The following DAAM2 variants were observed in gnomAD, a reference collection of about 807,000 sequenced individuals.
DAAM2 encodes dishevelled associated activator of morphogenesis 2.
A neutral mutation model predicts 120.7 loss-of-function variants in DAAM2; 39 were observed. The ratio of observed to expected loss-of-function variants is 0.32; its 90% confidence interval spans 0.25 to 0.42. DAAM2 has a LOEUF of 0.42. Among genes scored for constraint, DAAM2 ranks in the 10% least tolerant of loss-of-function variants. The probability of loss-of-function intolerance (pLI) is 1.00; values close to 1 mark genes in which losing one functional copy is unlikely to be tolerated. For missense variants in DAAM2, 1,283 were observed against 1,401.7 expected (o/e 0.92, Z 1.35); for synonymous variants, 488 against 524.9 (o/e 0.93, Z 0.96).
At chr6:39,859,288 C>A (rs1764122653) in intron 2 of DAAM2, among the ~76,000 whole-genome samples, 1 of 152,144 alleles carries the variant, frequency 6.6e-6, no homozygotes, top group South Asian at 2.1e-4. Context: ...TGAAGAGGTG[C>A]AGAGTTTGTA....
At chr6:39,887,808 A>C in intron 16 of DAAM2, 1 of 512,414 alleles carries the variant, frequency 2.0e-6, no homozygotes, top group East Asian at 3.5e-5. Flanking sequence ...CAGCCTGGTC[A>C]GCGTCTGGCA....
intron 1 of DAAM2, among the ~76,000 whole-genome samples, chr6:39,842,686 G>C (rs1161103471): frequency 6.6e-6 from 1 of 151,972 alleles, no homozygotes; most frequent in South Asian, 2.1e-4. Flanking sequence ...ATTAAATAAC[G>C]TATGTAATGA....
At chr6:39,887,688 G>C in intron 16 of DAAM2, 96 bp downstream of exon 16, 1 of 817,670 alleles carries the variant, frequency 1.2e-6, no homozygotes, top group Non-Finnish European at 2.0e-6. Context: ...CCTCTCTGCT[G>C]TCCCCTGGGA....
intron 7 of DAAM2, among the ~76,000 whole-genome samples, chr6:39,869,419 C>T (rs796500960): frequency 2.6e-5 from 4 of 152,130 alleles, no homozygotes; most frequent in African/African-American, 9.6e-5. Context: ...GCCCCGTCTC[C>T]ACTAAAAAAA....
At chr6:39,859,666 A>G (rs1764135496) in intron 2 of DAAM2, among the ~76,000 whole-genome samples, 1 of 152,240 alleles carries the variant, frequency 6.6e-6, no homozygotes, top group Non-Finnish European at 1.5e-5. Context: ...AATTTTCTAC[A>G]TGATTTTATG....
At chr6:39,879,627 TTGCTG>T in intron 14 of DAAM2, 150 bp downstream of exon 14, 1 of 1,043,212 alleles carries the variant, frequency 9.6e-7, no homozygotes, top group East Asian at 2.4e-5. Flanking sequence ...CAAAGTGGGT[TTGCTG>T]TGCCAGGCAG....
intron 1 of DAAM2, among the ~76,000 whole-genome samples, chr6:39,837,663 C>CAAAAAAAAAAAAAAAAAAAAA (rs758751293): frequency 9.7e-5 from 4 of 41,192 alleles, no homozygotes; most frequent in African/African-American, 2.2e-4. Flanking sequence ...AACTCCATCT[C>CAAAAAAAAAAAAAAAAAAAAA]AAAAAAAAAA....
intron 23 of DAAM2, 96 bp downstream of exon 23, chr6:39,900,304 C>T (rs1034058991): frequency 7.1e-7 from 1 of 1,416,084 alleles, no homozygotes; most frequent in Non-Finnish European, 9.5e-7. Flanking sequence ...GAGGGACAAA[C>T]CCAGAGTTAC....
chr6:39,820,058 A>G (rs1482441798), intron 1 of DAAM2: 2 of 152,284 alleles, frequency 1.3e-5, no homozygotes, highest in African/African-American at 2.4e-5. Flanking sequence ...GGAAGCCTCC[A>G]TAGCAGCACT....
intron 16 of DAAM2, 155 bp from the exon 17 acceptor site, chr6:39,888,524 A>C: frequency 1.8e-6 from 1 of 567,228 alleles, no homozygotes; most frequent in Non-Finnish European, 3.2e-6. Flanking sequence ...GAATCATACT[A>C]GTCTAATCTA....
Position 39,856,259 on chromosome 6 carries a change from AC to A in DAAM2, c.-42del. 3 of 1,429,812 alleles carry A rather than the reference AC, an allele frequency of 2.1e-6. No homozygotes were observed. The highest frequency in any genetic ancestry group is 2.8e-6 in the Non-Finnish European group (3 of 1,089,970). 88.6% of individuals were successfully genotyped at this position (1,429,812 alleles called of 1,614,324 possible). ...TCCTCTTGTCCAGATCACAATGAGG[AC>A]CTAGGGCATCTGTCTGCTGACGCCC... On this transcript the variant is annotated 5_prime_UTR_variant, in exon 2 of 25. An upstream open reading frame in the 5' UTR loses its in-frame stop. Transcript: ENST00000274867.
chr6:39,858,057 G>C (rs143101929), intron 2 of DAAM2, among the ~76,000 whole-genome samples: 41 of 152,200 alleles, frequency 2.7e-4, no homozygotes, highest in Non-Finnish European at 3.5e-4. Flanking sequence ...GAGATGATTA[G>C]ATCAGTGAAT....
intron 1 of DAAM2, among the ~76,000 whole-genome samples, chr6:39,838,990 T>C (rs778461360): frequency 2.0e-5 from 3 of 152,142 alleles, no homozygotes; most frequent in Admixed American, 6.5e-5. Flanking sequence ...AGGGTGATCT[T>C]GGACAAACCA....
chr6:39,887,651 C>A, intron 16 of DAAM2, 59 bp downstream of exon 16: 1 of 1,215,864 alleles, frequency 8.2e-7, no homozygotes, highest in Non-Finnish European at 1.2e-6. Flanking sequence ...GGTGGAGGAA[C>A]GGAGTGGTGG....
chr6:39,797,346 G>T lies in DAAM2; in HGVS notation c.-57+4881G>T, dbSNP rs559488310. On this transcript the variant is annotated intron_variant, in intron 1 of 24. Transcript: ENST00000274867. The stretch of plus-strand genomic sequence containing the variant: ...CAGTATTTTAAATTTATATAACATT[G>T]TATCATTTGAAAGGTACATTGTCTC... Among the ~76,000 whole-genome samples the T allele has an allele frequency of 3.3e-5, 5 of 152,304 alleles. No homozygotes were observed. In the East Asian group the frequency reaches 7.7e-4, roughly 23 times the overall value.
chr6:39,798,967 TCGAC>T, intron 1 of DAAM2, among the ~76,000 whole-genome samples: 1 of 152,178 alleles, frequency 6.6e-6, no homozygotes, highest in Non-Finnish European at 1.5e-5. Context: ...CATTGTAGAA[TCGAC>T]GCCTGGAAGC....
intron 1 of DAAM2, among the ~76,000 whole-genome samples, chr6:39,850,413 C>T (rs950502692): frequency 9.2e-5 from 14 of 152,142 alleles, no homozygotes; most frequent in Admixed American, 6.5e-5. Context: ...CCAAACACCT[C>T]GTTCTCTAAC....
At chr6:39,825,043 G>A (rs907775806) in intron 1 of DAAM2, among the ~76,000 whole-genome samples, 1 of 152,188 alleles carries the variant, frequency 6.6e-6, no homozygotes, top group Admixed American at 6.5e-5. Flanking sequence ...CCAAGAAGGA[G>A]CCTGATCAGA....
At chr6:39,804,035 A>G (rs1278321652) in intron 1 of DAAM2, among the ~76,000 whole-genome samples, 1 of 152,138 alleles carries the variant, frequency 6.6e-6, no homozygotes, top group Admixed American at 6.5e-5. Context: ...CTGTGTGGGC[A>G]TTGCTGTCCT....
Sources: gnomAD v4.1 joint callset for allele counts (sites outside exome capture counted in the v4.1 genomes callset) on GRCh38, gnomAD v4.1.1 for gene constraint, MANE v1.5 for transcripts, NCBI Gene and HGNC (gene_info 2026-07-23, HGNC 2026-07-21) for gene names.